The following INF2 variants were observed in gnomAD, a reference collection of about 807,000 sequenced individuals.
INF2 encodes the protein inverted formin-2.
A neutral mutation model predicts 123.5 loss-of-function variants in INF2; 43 were observed. The ratio of observed to expected loss-of-function variants is 0.35; its 90% CI spans 0.27 to 0.45. The LOEUF (loss-of-function observed/expected upper bound fraction) is 0.45. Ranked by LOEUF, INF2 falls within the 20% of genes least tolerant of loss-of-function variation. The pLI, the probability that INF2 is intolerant of heterozygous loss-of-function variation, is 1.00. For synonymous variants in INF2, 851 were observed against 745.0 expected (o/e 1.14, Z -2.32); for missense variants, 1,453 against 1,682.7 (o/e 0.86, Z 2.39).
chr14:104,711,231 C>G lies in INF2; in HGVS notation c.2418+45C>G, dbSNP rs369097477. 4.7e-6 allele frequency: 7 copies of G among 1,477,272 alleles called. No homozygotes were observed. The South Asian group carries it at 8.5e-5, about 18-fold the overall frequency. The allele number at this position is 1,477,272 out of a possible 1,614,324, so 91.5% of individuals were successfully genotyped here. ...GCATAATGGGAGGGCTTCAAGTCCC[C>G]CCGGACCTGGGGTGTAGAGGCGTAG... On this transcript the variant is annotated intron_variant, in intron 15 of 22. Coordinates refer to ENST00000392634, the MANE Select transcript of INF2 (RefSeq NM_022489.4).
rs1890027396 is a variant in INF2 at position 104,711,118 on chromosome 14, A to G, written c.2350A>G (p.Thr784Ala). 6.3e-7 allele frequency: 1 copy of G among 1,584,644 alleles called. No homozygotes were observed. Among genetic ancestry groups the G allele is most frequent in the Non-Finnish European group, 8.6e-7 (1 of 1,166,908 alleles). ...TGACGCCGACGGCTTCAAGATCAGC[A>G]CATTGCTGAAGCTCACGGAGACCAA... is the stretch of plus-strand genomic sequence containing the variant. ...TGDADGFKIS[T>A]LLKLTETKSQ... The change falls in exon 15 of 23, where the codon ACA (threonine) becomes GCA (alanine). Residue 784 changes from threonine to alanine, a missense_variant. Physicochemically the swap from Thr to Ala is moderately conservative, Grantham distance 58. Around this residue, in one of 8 missense-constraint regions of INF2, gnomAD observed 31 missense variants for 86.0 expected, o/e 0.36. Transcript: ENST00000392634.
At chr14:104,715,123 T>G (rs1890236069) in intron 21 of INF2, among the ~76,000 whole-genome samples, 161 bp from the exon 22 acceptor site, 1 of 152,170 alleles carries the variant, frequency 6.6e-6, no homozygotes. Context: ...GGGCACCAGG[T>G]CCCAGGCAAG....
chr14:104,718,627 G>A (rs576455783), intron 22 of INF2, among the ~76,000 whole-genome samples, 168 bp from the exon 23 acceptor site: 180 of 152,328 alleles, frequency 1.2e-3, no homozygotes, highest in African/African-American at 4.2e-3. Flanking sequence ...GATAAGTTGT[G>A]CTGCTCCAGA....
upstream of INF2, among the ~76,000 whole-genome samples, chr14:104,687,517 G>A (rs11846984): frequency 0.052 from 7,836 of 151,692 alleles, 716 homozygotes; most frequent in African/African-American, 0.18. This position sits in a 1 kb window ranked among gnomAD's most constrained non-coding sequence, Gnocchi z 5.6. Context: ...CTTAATCAGG[G>A]CCCAAAGCCC....
chr14:104,707,170 G>A (rs566544632), intron 7 of INF2, 83 bp from the exon 8 acceptor site: 29 of 1,509,868 alleles, frequency 1.9e-5, no homozygotes, highest in South Asian at 2.5e-5. Flanking sequence ...GGAGGTGGCC[G>A]CTTTTTCCTG....
rs1283161160 is a variant in INF2, at chr14:104,714,196, C to T, written c.3041-7C>T. 6.6e-7 allele frequency: 1 copy of T among 1,507,838 alleles called. No individual in the cohort carries two copies. The highest frequency in any genetic ancestry group is 1.4e-5 in the African/African-American group (1 of 72,438). 93.4% of individuals were successfully genotyped at this position (1,507,838 alleles called of 1,614,324 possible). On this transcript the variant is annotated splice_region_variant and splice_polypyrimidine_tract_variant and intron_variant, in intron 20 of 22. Transcript: ENST00000392634. ...CCTGCCCTTCACTGGTGTGTCCCTC[C>T]ATCCAGTGGCCACCAGTAACCCTGC... is the stretch of plus-strand genomic sequence containing the variant.
Position 104,711,164 on chromosome 14 carries a change from C to CG in INF2, c.2397dup (p.Leu800AlafsTer82). The stretch of plus-strand genomic sequence containing the variant: ...ACCAAGTCCCAGCAGAACCGCGTGA[C>CG]GCTGCTGCACCACGTGCTGGAGGTG... On this transcript the variant is annotated frameshift_variant, in exon 15 of 23. Transcript: ENST00000392634. LOFTEE classifies it high-confidence loss of function. 1 of 1,565,486 alleles carries CG rather than the reference C, an allele frequency of 6.4e-7. No individual in the cohort carries two copies. The highest frequency in any genetic ancestry group is 8.7e-7 in the Non-Finnish European group (1 of 1,156,030).
intron 1 of INF2, among the ~76,000 whole-genome samples, chr14:104,697,027 G>C (rs73345574): frequency 1.3e-5 from 2 of 152,204 alleles, no homozygotes; most frequent in Non-Finnish European, 2.9e-5. Flanking sequence ...CCCAGGCACA[G>C]TAGGCAGTAC....
intron 22 of INF2, chr14:104,715,950 GGAGAAGCAGATTACC>G (rs1442522319): frequency 2.2e-6 from 1 of 456,086 alleles, no homozygotes; most frequent in Non-Finnish European, 4.4e-6. Flanking sequence ...GTGGGTCTAT[GGAGAAGCAGATTACC>G]CCCCGCACAC....
intron 6 of INF2, 121 bp downstream of exon 6, chr14:104,706,297 A>G (rs1376462707): frequency 2.8e-6 from 3 of 1,062,870 alleles, no homozygotes; most frequent in Non-Finnish European, 4.0e-6. Flanking sequence ...GACCTGGGCC[A>G]TGGTGCCAGC....
intron 18 of INF2, 53 bp downstream of exon 18, chr14:104,713,045 C>T (rs1595178258): frequency 1.9e-6 from 3 of 1,609,396 alleles, no homozygotes; most frequent in East Asian, 2.2e-5. Context: ...GGTCCCGAGG[C>T]CCCTGGCCTT....
chr14:104,712,350 G>A (rs1456724361), intron 16 of INF2, 83 bp from the exon 17 acceptor site: 4 of 1,580,408 alleles, frequency 2.5e-6, no homozygotes, highest in African/African-American at 2.7e-5. Context: ...GGGGTGCCGG[G>A]GGGTGCAGGG....
rs12882277 is a variant in INF2, at chr14:104,710,444, G to A, written c.2239+256G>A. 0.66 allele frequency among the ~76,000 whole-genome samples: 96,911 copies of A among 147,670 alleles called. 31,431 individuals are homozygous for A. Among genetic ancestry groups the A allele is most frequent in the African/African-American group, 0.71 (28,787 of 40,424 alleles). ...ACACACAAGCACACTGCCACTCTCC[G>A]GCACGCGCACACACAAGCACACCGC... On this transcript the variant is annotated intron_variant, in intron 13 of 22. Coordinates refer to ENST00000392634, the MANE Select transcript of INF2 (RefSeq NM_022489.4).
intron 1 of INF2, among the ~76,000 whole-genome samples, chr14:104,697,367 C>T (rs899107239): frequency 3.3e-5 from 5 of 152,204 alleles, no homozygotes; most frequent in East Asian, 1.9e-4. Context: ...GCCTGTGTGC[C>T]GCTCAGAACC....
chr14:104,718,780 TTCTC>T lies in INF2; in HGVS notation c.*2-9_*2-6del, dbSNP rs752072415. On this transcript the variant is annotated splice_polypyrimidine_tract_variant and intron_variant, in intron 22 of 22. Coordinates refer to ENST00000392634, the MANE Select transcript of INF2 (RefSeq NM_022489.4). Reference sequence around the variant, plus strand: ...AAACTGCTCCTAATAATGTCATTTTTTCTCTCTCTTACAGGCCTCAGGCCCAGGC... The same window carrying T: ...AAACTGCTCCTAATAATGTCATTTTTTCTCTTACAGGCCTCAGGCCCAGGC... 6.2e-7 allele frequency: 1 copy of T among 1,612,968 alleles called. No individual in the cohort carries two copies. The highest frequency in any genetic ancestry group is 1.7e-5 in the Admixed American group (1 of 59,946).
intron 1 of INF2, chr14:104,700,727 A>T (rs1361131847): frequency 2.1e-6 from 1 of 465,522 alleles, no homozygotes; most frequent in East Asian, 1.5e-4. Context: ...CCTGAGTGCC[A>T]AGGGTTTCCG....
rs542328221 is a variant in INF2 at position 104,695,377 on chromosome 14, C to T, written c.-10+5638C>T. Among the ~76,000 whole-genome samples the T allele has an allele frequency of 4.7e-4, 71 of 152,254 alleles. 1 individual carries two copies. Among genetic ancestry groups the T allele is most frequent in the African/African-American group, 1.7e-3 (69 of 41,542 alleles). On this transcript the variant is annotated intron_variant, in intron 1 of 22. Coordinates refer to ENST00000392634, the MANE Select transcript of INF2 (RefSeq NM_022489.4). ...AGACCCCTGAGAACGCCAGAGGTGA[C>T]CAGGCCCTCAGGGAGCACCCCGTTG...
chr14:104,689,620 C>CCCG lies in INF2; in HGVS notation c.-129_-128insCCG. On this transcript the variant is annotated 5_prime_UTR_variant, in exon 1 of 23. Coordinates refer to ENST00000392634, the MANE Select transcript of INF2 (RefSeq NM_022489.4). ...CCCGCCCCGCCCGCCCCGCGCCCGCCAGGAGCCACCGTCCGAGCCTTGCGG... is the reference window on the plus strand; with the variant it reads ...CCCGCCCCGCCCGCCCCGCGCCCGCCCCGAGGAGCCACCGTCCGAGCCTTGCGG... 1.1e-6 allele frequency: 1 copy of CCCG among 909,002 alleles called. No homozygotes were observed. Among genetic ancestry groups the CCCG allele is most frequent in the Non-Finnish European group, 1.3e-6 (1 of 760,474 alleles). 56.3% of individuals were successfully genotyped at this position (909,002 alleles called of 1,614,324 possible).
chr14:104,708,829 T>C (rs1315240751), intron 10 of INF2, 97 bp downstream of exon 10: 37 of 1,247,728 alleles, frequency 3.0e-5, no homozygotes, highest in Non-Finnish European at 3.4e-5. Context: ...CAGGCCGCCA[T>C]GGGAAGTGCA....
Sources: gnomAD v4.1 joint callset for allele counts (sites outside exome capture counted in the v4.1 genomes callset) on GRCh38, gnomAD v4.1.1 for gene constraint, gnomAD v4.1.1 regional missense constraint, Gnocchi (gnomAD v3.1) non-coding constraint, MANE v1.5 for transcripts, NCBI Gene and HGNC (gene_info 2026-07-23, HGNC 2026-07-21) for gene names.